The following PRIM2 variants were observed in gnomAD, a reference collection of about 807,000 sequenced individuals.
The protein encoded by PRIM2 is DNA primase large subunit.
In PRIM2, 39 loss-of-function variants were observed where a neutral mutation model predicts 67.3. The ratio of observed to expected loss-of-function variants is 0.58; its 90% confidence interval spans 0.45 to 0.76. PRIM2 has a LOEUF of 0.76. Ranked by LOEUF, PRIM2 falls within the 30% of genes least tolerant of loss-of-function variation. The pLI, the probability that PRIM2 is intolerant of heterozygous loss-of-function variation, is 0.00. For missense variants in PRIM2, 398 were observed against 598.7 expected, an observed-to-expected ratio of 0.66 and a Z score of 3.50; for synonymous variants, 143 against 198.7, an observed-to-expected ratio of 0.72 and a Z score of 2.36.
intron 5 of PRIM2, among the ~76,000 whole-genome samples, chr6:57,355,191 C>T (rs1340239938): frequency 2.0e-5 from 3 of 152,052 alleles, no homozygotes; most frequent in Non-Finnish European, 4.4e-5. Flanking sequence ...GCAATCCCAG[C>T]TACTCGGGAG....
chr6:57,323,148 C>G (rs1767717800), intron 3 of PRIM2, among the ~76,000 whole-genome samples: 1 of 151,796 alleles, frequency 6.6e-6, no homozygotes, highest in Non-Finnish European at 1.5e-5. Context: ...CGCCTGGTAC[C>G]TAGTGAGTGC....
intron 13 of PRIM2, among the ~76,000 whole-genome samples, chr6:57,644,849 G>A (rs1777307893): frequency 6.6e-6 from 1 of 152,164 alleles, no homozygotes; most frequent in Non-Finnish European, 1.5e-5. Flanking sequence ...AAGGCGAGAA[G>A]GCAGGGATTT....
At chr6:57,606,734 A>G (rs1776568977) in intron 12 of PRIM2, among the ~76,000 whole-genome samples, 1 of 152,214 alleles carries the variant, frequency 6.6e-6, no homozygotes, top group African/African-American at 2.4e-5. Context: ...TACTATCTCA[A>G]TTGAGGACTA....
chr6:57,440,853 T>A (rs1484482597), intron 7 of PRIM2, among the ~76,000 whole-genome samples: 1 of 152,182 alleles, frequency 6.6e-6, no homozygotes, highest in Non-Finnish European at 1.5e-5. Context: ...AATCTTGAAG[T>A]AAGACCTTTA....
At chr6:57,445,246 C>T (rs550406866) in intron 7 of PRIM2, among the ~76,000 whole-genome samples, 1 of 152,244 alleles carries the variant, frequency 6.6e-6, no homozygotes, top group South Asian at 2.1e-4. Flanking sequence ...TCTAGGGTAT[C>T]TCTTCATTTT....
intron 7 of PRIM2, among the ~76,000 whole-genome samples, chr6:57,393,595 C>T (rs1770430169): frequency 6.6e-6 from 1 of 152,150 alleles, no homozygotes; most frequent in Admixed American, 6.5e-5. Flanking sequence ...TGAAGATTTT[C>T]TCCCACTCTG....
At chr6:57,365,930 G>T (rs2104033) in intron 5 of PRIM2, among the ~76,000 whole-genome samples, 1 of 114,876 alleles carries the variant, frequency 8.7e-6, no homozygotes, top group African/African-American at 3.4e-5. Context: ...AGCCTGAGCA[G>T]CAGAGTGAGA....
chr6:57,341,437 T>C (rs1328009659), intron 5 of PRIM2, among the ~76,000 whole-genome samples: 3 of 152,204 alleles, frequency 2.0e-5, no homozygotes, highest in East Asian at 1.9e-4. Context: ...ATTCCCGTGA[T>C]AGTCTGCAAT....
chr6:57,270,413 G>A, the PRIM2 span, among the ~76,000 whole-genome samples: 208 of 151,362 alleles, frequency 1.4e-3, 4 homozygotes, highest in Non-Finnish European at 5.5e-4. Flanking sequence ...GGAGTTCACT[G>A]ATGATTTGGC....
At chr6:57,576,159 C>A (rs1304407116) in intron 10 of PRIM2, among the ~76,000 whole-genome samples, 1 of 151,910 alleles carries the variant, frequency 6.6e-6, no homozygotes, top group Non-Finnish European at 1.5e-5. Context: ...GTTGGGAAGG[C>A]ATGTTCATGA....
At chr6:57,453,164 T>C (rs1437742383) in intron 7 of PRIM2, among the ~76,000 whole-genome samples, 3 of 152,214 alleles carry the variant, frequency 2.0e-5, no homozygotes, top group African/African-American at 7.2e-5. Flanking sequence ...TTGATACAAA[T>C]ACCATGCTGT....
At chr6:57,383,936 TA>T (rs1348637775) in intron 7 of PRIM2, among the ~76,000 whole-genome samples, 2 of 152,188 alleles carry the variant, frequency 1.3e-5, no homozygotes, top group Middle Eastern at 3.2e-3. Context: ...CGTTAGTTAG[TA>T]TTTTCTTTTC....
rs1032215133 is a variant in PRIM2, at chr6:57,320,517, G to A, written c.215G>A (p.Ser72Asn). The change falls in exon 3 of 14, where the codon AGT becomes AAT. Residue 72 changes from serine to asparagine, a missense_variant. By Grantham distance (46) the Ser-to-Asn change is conservative (BLOSUM62 1). Around this residue, in one of 4 missense-constraint regions of PRIM2, gnomAD observed 96 missense variants for 98.3 expected, o/e 0.98. Transcript: ENST00000615550. Reference protein sequence around the residue: ...SYVKGTEQYQSKLESELRKLK... With the variant: ...SYVKGTEQYQNKLESELRKLK... ...GTGAAAGGAACTGAACAATACCAGAGTAAGTTGGAGAGTGAGCTTCGGAAG... is the reference window on the plus strand; with the variant it reads ...GTGAAAGGAACTGAACAATACCAGAATAAGTTGGAGAGTGAGCTTCGGAAG... 1.2e-6 allele frequency: 2 copies of A among 1,610,356 alleles called. No individual in the cohort carries two copies. Among genetic ancestry groups the A allele is most frequent in the Non-Finnish European group, 1.7e-6 (2 of 1,179,082 alleles).
At chr6:57,486,275 T>C (rs1773751322) in intron 7 of PRIM2, among the ~76,000 whole-genome samples, 2 of 152,354 alleles carry the variant, frequency 1.3e-5, no homozygotes, top group African/African-American at 4.8e-5. Flanking sequence ...CATTTATGCA[T>C]AGTGTTCCAT....
intron 7 of PRIM2, chr6:57,505,181 C>A (rs1460191454): frequency 2.0e-5 from 3 of 152,222 alleles, no homozygotes; most frequent in African/African-American, 7.2e-5. Flanking sequence ...TGAAGAGATG[C>A]ATGCTCTTTT....
At chr6:57,428,058 C>A (rs1771689912) in intron 7 of PRIM2, among the ~76,000 whole-genome samples, 1 of 151,236 alleles carries the variant, frequency 6.6e-6, no homozygotes, top group South Asian at 2.1e-4. Context: ...TAAAAACTGA[C>A]TTAAAAAAAA....
chr6:57,365,680 C>A lies in PRIM2; in HGVS notation c.460-14221C>A, dbSNP rs573093844. On this transcript the variant is annotated intron_variant, in intron 5 of 13. Coordinates refer to ENST00000615550, the MANE Select transcript of PRIM2 (RefSeq NM_000947.5). Reference sequence around the variant, plus strand: ...TTGTGGTAAGAACTGGGAATATAGGCTGTGTGCGGTAGCTCGCGCCTGTGA... The same window carrying A: ...TTGTGGTAAGAACTGGGAATATAGGATGTGTGCGGTAGCTCGCGCCTGTGA... Among the ~76,000 whole-genome samples, 16 of 152,254 alleles carry A rather than the reference C, an allele frequency of 1.1e-4. No individual in the cohort carries two copies. In the East Asian group the frequency reaches 2.5e-3, roughly 24 times the overall value.
chr6:57,329,397 C>T (rs902216109), intron 5 of PRIM2, among the ~76,000 whole-genome samples: 1 of 152,028 alleles, frequency 6.6e-6, no homozygotes, highest in South Asian at 2.1e-4. Flanking sequence ...TTGAAATAAC[C>T]ATTCTTTCCT....
the PRIM2 span, among the ~76,000 whole-genome samples, chr6:57,239,336 C>T: frequency 1.4e-3 from 220 of 152,222 alleles, 2 homozygotes; most frequent in African/African-American, 4.9e-3. Context: ...GTTCCCAATA[C>T]GTATCATGCT....
Sources: gnomAD v4.1 joint callset for allele counts (sites outside exome capture counted in the v4.1 genomes callset) on GRCh38, gnomAD v4.1.1 for gene constraint, gnomAD v4.1.1 regional missense constraint, MANE v1.5 for transcripts, NCBI Gene and HGNC (gene_info 2026-07-23, HGNC 2026-07-21) for gene names.